The following ALDH5A1 variants were observed in gnomAD, a reference collection of about 807,000 sequenced individuals.
ALDH5A1 encodes the protein aldehyde dehydrogenase 5 family member A1.
ALDH5A1 carries 33 observed loss-of-function variants against 54.7 expected under a neutral mutation model. That is an observed-to-expected ratio of 0.60 (90% confidence interval 0.46 to 0.81). ALDH5A1 has a LOEUF of 0.81. Among genes scored for constraint, ALDH5A1 ranks in the 30% least tolerant of loss-of-function variants. ALDH5A1 has a pLI of 0.00. For synonymous variants in ALDH5A1, 294 were observed against 292.7 expected (o/e 1.00, Z -0.05); for missense variants, 657 against 711.0 (o/e 0.92, Z 0.86).
chr6:24,520,688 C>G, intron 6 of ALDH5A1, 144 bp downstream of exon 6: 2 of 1,256,656 alleles, frequency 1.6e-6, no homozygotes, highest in Non-Finnish European at 2.2e-6. Flanking sequence ...CCTCTACTGC[C>G]TTATATCCCA....
At chr6:24,526,121 T>C (rs1175245668) in intron 7 of ALDH5A1, among the ~76,000 whole-genome samples, 1 of 152,138 alleles carries the variant, frequency 6.6e-6, no homozygotes, top group Non-Finnish European at 1.5e-5. Context: ...AGACCACTCA[T>C]GCCACACATC....
rs1760056949 is a variant in ALDH5A1, at chr6:24,536,722, C to A, written c.*3010C>A. ...CCTTGAAAAAACAATTATCCTTGAA[C>A]TTCCTCCAGCTATGCAGGGATTCTC... On this transcript the variant is annotated 3_prime_UTR_variant, in exon 10 of 10. Transcript: ENST00000357578. 1 of 152,254 alleles carries A rather than the reference C, an allele frequency of 6.6e-6. No homozygotes were observed. The highest frequency in any genetic ancestry group is 1.9e-4 in the East Asian group (1 of 5,200). 9.4% of individuals were successfully genotyped at this position (152,254 alleles called of 1,614,324 possible).
At chr6:24,508,837 T>C (rs1759410005) in intron 4 of ALDH5A1, among the ~76,000 whole-genome samples, 2 of 152,202 alleles carry the variant, frequency 1.3e-5, no homozygotes, top group African/African-American at 2.4e-5. Flanking sequence ...TGGTATTGCA[T>C]TGTGGTTTTG....
chr6:24,523,921 T>C (rs1581820789), intron 7 of ALDH5A1, among the ~76,000 whole-genome samples: 1 of 152,102 alleles, frequency 6.6e-6, no homozygotes, highest in East Asian at 1.9e-4. Flanking sequence ...TTCTACTGTT[T>C]TAAAAAAATC....
chr6:24,522,333 T>C (rs1475646282), intron 6 of ALDH5A1, among the ~76,000 whole-genome samples: 1 of 152,136 alleles, frequency 6.6e-6, no homozygotes, highest in African/African-American at 2.4e-5. Context: ...TAAGTTGGTG[T>C]TGGACCACAT....
At position 24,531,890 on chromosome 6, in the gene ALDH5A1, C is replaced by G. The variant is rs964092244; in HGVS notation, c.1344-229C>G. 8 of 563,434 alleles carry G rather than the reference C, an allele frequency of 1.4e-5. No homozygotes were observed. In the African/African-American group the frequency reaches 1.5e-4, roughly 11 times the overall value. 34.9% of individuals were successfully genotyped at this position (563,434 alleles called of 1,614,324 possible). On this transcript the variant is annotated intron_variant, in intron 8 of 9. Transcript: ENST00000357578. ...TCCCTACATGTTGGTCTGCTTTTTT[C>G]TTGTTCTCTTAGGAGAGATGAAGCC... is the stretch of plus-strand genomic sequence containing the variant.
chr6:24,520,191 A>G (rs1366650840), intron 5 of ALDH5A1, among the ~76,000 whole-genome samples: 4 of 152,170 alleles, frequency 2.6e-5, no homozygotes, highest in African/African-American at 7.2e-5. Flanking sequence ...GGTGCACACT[A>G]CCACACCCAG....
intron 1 of ALDH5A1, among the ~76,000 whole-genome samples, chr6:24,496,772 T>C (rs1298169576): frequency 1.3e-5 from 2 of 152,312 alleles, no homozygotes; most frequent in South Asian, 2.1e-4. Context: ...CTCTTCTTCT[T>C]TTAAAAACAG....
Position 24,504,890 on chromosome 6 carries a change from A to C in ALDH5A1, c.631A>C (p.Ile211Leu). 6.2e-7 allele frequency: 1 copy of C among 1,614,146 alleles called. No individual in the cohort carries two copies. The highest frequency in any genetic ancestry group is 8.5e-7 in the Non-Finnish European group (1 of 1,180,030). The change falls in exon 4 of 10, where the codon ATC becomes CTC. Residue 211 changes from isoleucine (I) to leucine (L), a missense_variant. By Grantham distance (5) the Ile-to-Leu change is conservative. Around this residue, in one of 2 missense-constraint regions of ALDH5A1, gnomAD observed 425 missense variants for 516.4 expected, o/e 0.82. Coordinates refer to ENST00000357578, the MANE Select transcript of ALDH5A1 (RefSeq NM_001080.3). ...ITPWNFPSAM[I>L]TRKVGAALAA... ...CCAGTGGAATTTCCCCAGTGCCATGATCACCCGGAAGGTGGGGGCCGCCCT... is the reference window on the plus strand; with the variant it reads ...CCAGTGGAATTTCCCCAGTGCCATGCTCACCCGGAAGGTGGGGGCCGCCCT...
At chr6:24,507,583 T>G (rs1182788775) in intron 4 of ALDH5A1, among the ~76,000 whole-genome samples, 2 of 152,108 alleles carry the variant, frequency 1.3e-5, no homozygotes, top group Non-Finnish European at 2.9e-5. Flanking sequence ...GTATGTAGTT[T>G]CCAGACTTTT....
chr6:24,526,953 AATATATATATATGTGTGTGTGTAT>A (rs1336063296), intron 7 of ALDH5A1, among the ~76,000 whole-genome samples: 18 of 106,014 alleles, frequency 1.7e-4, no homozygotes, highest in African/African-American at 7.4e-4. Context: ...ATATATATCT[AATATATATATATGTGTGTGTGTAT>A]ATATATATAT....
chr6:24,531,240 G>T (rs1477405565), intron 8 of ALDH5A1, among the ~76,000 whole-genome samples: 1 of 152,124 alleles, frequency 6.6e-6, no homozygotes, highest in African/African-American at 2.4e-5. Flanking sequence ...CCACTGTTGG[G>T]GAAATGGACC....
At chr6:24,501,891 ATATATG>A (rs374601202) in intron 1 of ALDH5A1, among the ~76,000 whole-genome samples, 7 of 116,996 alleles carry the variant, frequency 6.0e-5, no homozygotes, top group African/African-American at 6.3e-5. Flanking sequence ...ATATATATAT[ATATATG>A]TGTGTGTGTG....
At chr6:24,495,567 C>T (rs913856683) in intron 1 of ALDH5A1, among the ~76,000 whole-genome samples, 1 of 152,188 alleles carries the variant, frequency 6.6e-6, no homozygotes. Flanking sequence ...GACCCCTGCC[C>T]TCAAGCCTCA....
chr6:24,517,433 A>G (rs1044169491), intron 5 of ALDH5A1, among the ~76,000 whole-genome samples: 4 of 152,250 alleles, frequency 2.6e-5, no homozygotes, highest in African/African-American at 9.6e-5. Flanking sequence ...TTAGATCCAT[A>G]AACTGCTATG....
At position 24,495,262 on chromosome 6, in the gene ALDH5A1, T is replaced by C; in HGVS notation, c.266T>C (p.Met89Thr). ...CCGGCCAGCGGCGCCGCTCTGGGCA[T>C]GGTAGCCGACTGCGGGGTGCGAGAG... ...QDPASGAALG[M>T]VADCGVREAR... The change falls in exon 1 of 10, where the codon ATG becomes ACG. Residue 89 changes from methionine (M) to threonine (T), a missense_variant. This residue lies in a region of ALDH5A1 where 232 missense variants were observed against 194.6 expected (regional missense o/e 1.19). Transcript: ENST00000357578. 6.5e-7 allele frequency: 1 copy of C among 1,532,152 alleles called. No individual in the cohort carries two copies. Among genetic ancestry groups the C allele is most frequent in the African/African-American group, 1.4e-5 (1 of 72,858 alleles). 94.9% of individuals were successfully genotyped at this position (1,532,152 alleles called of 1,614,324 possible).
At chr6:24,519,449 C>T (rs185358084) in intron 5 of ALDH5A1, among the ~76,000 whole-genome samples, 260 of 152,112 alleles carry the variant, frequency 1.7e-3, no homozygotes, top group Non-Finnish European at 1.7e-3. Flanking sequence ...TCTGTAATGC[C>T]AGCTACTCAA....
intron 8 of ALDH5A1, among the ~76,000 whole-genome samples, chr6:24,530,938 C>T (rs1339627933): frequency 1.3e-5 from 2 of 152,252 alleles, no homozygotes; most frequent in Non-Finnish European, 2.9e-5. Flanking sequence ...CATGGGTGGT[C>T]TCGAGCTCGC....
chr6:24,504,907 G>T lies in ALDH5A1; in HGVS notation c.648G>T (p.Gly216=). The T allele has an allele frequency of 1.2e-6, 2 of 1,614,222 alleles. No homozygotes were observed. Among genetic ancestry groups the T allele is most frequent in the Non-Finnish European group, 1.7e-6 (2 of 1,180,044 alleles). ...FPSAMITRKV[G]AALAAGCTVV... is the part of the protein sequence containing the mutation. ...GTGCCATGATCACCCGGAAGGTGGG[G>T]GCCGCCCTGGCAGCCGGCTGTACTG... The change falls in exon 4 of 10, where the codon GGG becomes GGT. Residue 216 remains glycine (G), a synonymous_variant. Transcript: ENST00000357578.
Sources: allele counts gnomAD v4.1 joint callset (sites outside exome capture counted in the v4.1 genomes callset), GRCh38; gene constraint gnomAD v4.1.1; regional missense constraint gnomAD v4.1.1; transcripts MANE v1.5; gene names NCBI Gene and HGNC (gene_info 2026-07-23, HGNC 2026-07-21).